The following AKAP3 variants were observed in gnomAD, a reference collection of about 807,000 sequenced individuals.
The protein encoded by AKAP3 is A-kinase anchor protein 3.
AKAP3 carries 27 observed loss-of-function variants against 57.2 expected under a neutral mutation model. The ratio of observed to expected loss-of-function variants is 0.47; its 90% CI spans 0.35 to 0.65. AKAP3 has a LOEUF of 0.65. Ranked by LOEUF, AKAP3 falls within the 30% of genes least tolerant of loss-of-function variation. The pLI is 0.01. For synonymous variants in AKAP3, 334 were observed against 392.3 expected (o/e 0.85, Z 1.76); for missense variants, 959 against 1,040.0 (o/e 0.92, Z 1.07).
At chr12:4,630,179 G>T (rs913875646) in intron 4 of AKAP3, among the ~76,000 whole-genome samples, 1 of 152,160 alleles carries the variant, frequency 6.6e-6, no homozygotes, top group African/African-American at 2.4e-5. Flanking sequence ...ATTACCAAGT[G>T]TCATATAGTT....
chr12:4,616,741 CA>C (rs1945289950), intron 5 of AKAP3, among the ~76,000 whole-genome samples: 1 of 151,956 alleles, frequency 6.6e-6, no homozygotes. Context: ...GAAGGTAGAT[CA>C]ATAAAAATTA....
In AKAP3 at chr12:4,625,140, G is replaced by A. The variant is rs537185791; in HGVS notation, c.2406+1356C>T. Among the ~76,000 whole-genome samples, 9 of 152,192 alleles carry A rather than the reference G, an allele frequency of 5.9e-5. No homozygotes were observed. The highest frequency in any genetic ancestry group is 1.9e-4 in the African/African-American group (8 of 41,536). ...GTCTGTTTCACGGATTGGAAACCCT[G>A]CGTGGAGACAGAGCTTGCCAACGAC... On this transcript the variant is annotated intron_variant, in intron 5 of 5. Coordinates refer to ENST00000228850, the MANE Select transcript of AKAP3 (RefSeq NM_001278309.2). The surrounding 1 kb of genome is among the most constrained non-coding windows in gnomAD (Gnocchi z 5.4).
rs59797873 is a variant in AKAP3, at chr12:4,618,165, C to T, written c.2407-2271G>A. On this transcript the variant is annotated intron_variant, in intron 5 of 5. Transcript: ENST00000228850. Reference sequence around the variant, plus strand: ...AATTGGGCTAAGCATAAATGATTAACATATCTAAACATCAAATGTCAGAAT... The same window carrying T: ...AATTGGGCTAAGCATAAATGATTAATATATCTAAACATCAAATGTCAGAAT... Among the ~76,000 whole-genome samples, 161 of 152,254 alleles carry T rather than the reference C, an allele frequency of 1.1e-3. 2 individuals are homozygous for T. The East Asian group carries it at 0.029, about 27-fold the overall frequency.
rs574859531 is a variant in AKAP3, at chr12:4,615,775, C to T, written c.2526G>A (p.Pro842=). 1.4e-5 allele frequency: 23 copies of T among 1,614,122 alleles called. No individual in the cohort carries two copies. The highest frequency in any genetic ancestry group is 1.1e-4 in the East Asian group (5 of 44,876). Residue 842 remains proline (P), a synonymous_variant, in exon 6 of 6, where the codon CCG becomes CCA. Transcript: ENST00000228850. ...QLNEAVGNVT[P]LQLLDWLMVN... ...CCATCAGCCAGTCCAGCAGCTGCAG[C>T]GGTGTGACATTCCCCACCGCCTCAT...
At chr12:4,619,841 T>G (rs539222600) in intron 5 of AKAP3, among the ~76,000 whole-genome samples, 15 of 152,180 alleles carry the variant, frequency 9.9e-5, no homozygotes, top group Non-Finnish European at 8.8e-5. Flanking sequence ...TAAAAAGAAA[T>G]AAACTACTGA....
At chr12:4,637,219 G>T (rs1049670993) in intron 4 of AKAP3, among the ~76,000 whole-genome samples, 2 of 152,192 alleles carry the variant, frequency 1.3e-5, no homozygotes, top group African/African-American at 4.8e-5. Flanking sequence ...ACCCTTCTTT[G>T]CCTTGCTTTG....
Position 4,615,910 on chromosome 12 carries a change from A to G in AKAP3, c.2407-16T>C. On this transcript the variant is annotated splice_polypyrimidine_tract_variant and intron_variant, in intron 5 of 5. Coordinates refer to ENST00000228850, the MANE Select transcript of AKAP3 (RefSeq NM_001278309.2). Reference sequence around the variant, plus strand: ...GCTGAAGTAGCTGTGAAAGGAAAGAAAACACCAGTGGTGAGGCACAGCATC... The same window carrying G: ...GCTGAAGTAGCTGTGAAAGGAAAGAGAACACCAGTGGTGAGGCACAGCATC... 1.2e-6 allele frequency: 2 copies of G among 1,614,116 alleles called. No individual in the cohort carries two copies. Among genetic ancestry groups the G allele is most frequent in the Non-Finnish European group, 1.7e-6 (2 of 1,179,988 alleles).
chr12:4,626,967 C>T lies in AKAP3; in HGVS notation c.1935G>A (p.Glu645=). ...TCAGCCCAGAAAGGGCACCAGGGGT[C>T]TCATCATCCTCATATAGCCTGGGGG... is the stretch of plus-strand genomic sequence containing the variant. The part of the protein sequence containing the change: ...SSPPRLYEDD[E]TPGALSGLTK... Residue 645 remains glutamate (E), a synonymous_variant, in exon 5 of 6, where the codon GAG becomes GAA. Transcript: ENST00000228850. The T allele has an allele frequency of 6.2e-7, 1 of 1,614,122 alleles. No individual in the cohort carries two copies. Among genetic ancestry groups the T allele is most frequent in the African/African-American group, 1.3e-5 (1 of 75,040 alleles).
intron 1 of AKAP3, among the ~76,000 whole-genome samples, chr12:4,648,300 C>G (rs919391587): frequency 6.6e-6 from 1 of 152,208 alleles, no homozygotes; most frequent in African/African-American, 2.4e-5. Context: ...CACATGGCCA[C>G]TAAATTTGCA....
chr12:4,621,706 G>A (rs1321744103), intron 5 of AKAP3, among the ~76,000 whole-genome samples: 1 of 152,138 alleles, frequency 6.6e-6, no homozygotes, highest in African/African-American at 2.4e-5. Flanking sequence ...ATCGCTTAAT[G>A]ACACACTTCT....
At chr12:4,617,031 A>T (rs920959763) in intron 5 of AKAP3, among the ~76,000 whole-genome samples, 3 of 152,138 alleles carry the variant, frequency 2.0e-5, no homozygotes, top group African/African-American at 7.2e-5. Context: ...TAACTCCAAG[A>T]CCTACCATAA....
intron 5 of AKAP3, among the ~76,000 whole-genome samples, chr12:4,624,171 AATATATAAAAC>A (rs1176460224): frequency 1.6e-4 from 24 of 152,198 alleles, no homozygotes; most frequent in African/African-American, 5.1e-4. Flanking sequence ...GGAGGGGTTA[AATATATAAAAC>A]ATATATAAAA....
At chr12:4,633,415 A>T (rs1199784464) in intron 4 of AKAP3, among the ~76,000 whole-genome samples, 3 of 152,120 alleles carry the variant, frequency 2.0e-5, no homozygotes, top group Non-Finnish European at 4.4e-5. Flanking sequence ...TTAAACCTAA[A>T]ACGTGTGTGC....
At position 4,626,654 on chromosome 12, in the gene AKAP3, CA is replaced by C. The variant is rs1168319229; in HGVS notation, c.2247del (p.Glu750LysfsTer8). 1.2e-5 allele frequency: 19 copies of C among 1,614,242 alleles called. No individual in the cohort carries two copies. Among genetic ancestry groups the C allele is most frequent in the Admixed American group, 1.7e-5 (1 of 60,024 alleles). ...ATCACCGTGGGTGCTGCACACCCTT[CA>C]GGGGGCTGTCCTGATGTGCCTCTCA... ...NEMRGTSGQPPEGCAAPTVIV... is the reference protein window; with the variant it reads ...NEMRGTSGQPXEGCAAPTVIV... On this transcript the variant is annotated frameshift_variant, in exon 5 of 6. Transcript: ENST00000228850. LOFTEE classifies it high-confidence loss of function.
intron 4 of AKAP3, among the ~76,000 whole-genome samples, chr12:4,630,401 A>G (rs1945482438): frequency 1.3e-5 from 2 of 152,204 alleles, no homozygotes; most frequent in Non-Finnish European, 2.9e-5. Context: ...TTCAGATGCA[A>G]TTCTGATTCT....
In AKAP3 at chr12:4,628,057, C is replaced by T. The variant is rs777869688; in HGVS notation, c.845G>A (p.Ser282Asn). The change falls in exon 5 of 6, where the codon AGT becomes AAT. Residue 282 changes from serine to asparagine, a missense_variant. Transcript: ENST00000228850. ...ERPDDFTASV[S>N]EGIMTYANSV... is the part of the protein sequence containing the mutation. Reference sequence around the variant, plus strand: ...GTTAGCATAGGTCATGATCCCTTCACTAACAGAAGCCGTAAAGTCATCAGG... The same window carrying T: ...GTTAGCATAGGTCATGATCCCTTCATTAACAGAAGCCGTAAAGTCATCAGG... 6.2e-7 allele frequency: 1 copy of T among 1,614,034 alleles called. No individual in the cohort carries two copies. Among genetic ancestry groups the T allele is most frequent in the African/African-American group, 1.3e-5 (1 of 74,910 alleles).
chr12:4,642,583 CCTTA>C (rs1168239951), intron 2 of AKAP3, among the ~76,000 whole-genome samples: 3 of 152,120 alleles, frequency 2.0e-5, no homozygotes, highest in African/African-American at 7.2e-5. Flanking sequence ...TAAATTCTAC[CCTTA>C]CTTTTTAGCC....
At chr12:4,646,457 G>A (rs1170825059) in intron 1 of AKAP3, among the ~76,000 whole-genome samples, 5 of 152,042 alleles carry the variant, frequency 3.3e-5, no homozygotes, top group African/African-American at 1.2e-4. Flanking sequence ...GATCACTAGA[G>A]GTCAGGAGTT....
chr12:4,633,970 CTTTT>C (rs59050368), intron 4 of AKAP3, among the ~76,000 whole-genome samples: 107 of 138,070 alleles, frequency 7.7e-4, no homozygotes, highest in Admixed American at 1.6e-3. Context: ...TATCTATATT[CTTTT>C]TTTTTTTTTT....
Sources: gnomAD v4.1 joint callset for allele counts (sites outside exome capture counted in the v4.1 genomes callset) on GRCh38, gnomAD v4.1.1 for gene constraint, Gnocchi (gnomAD v3.1) non-coding constraint, MANE v1.5 for transcripts, NCBI Gene and HGNC (gene_info 2026-07-23, HGNC 2026-07-21) for gene names.